The following DNTTIP2 variants were observed in gnomAD, a reference collection of about 807,000 sequenced individuals.
The protein encoded by DNTTIP2 is deoxynucleotidyltransferase terminal-interacting protein 2.
DNTTIP2 carries 47 observed loss-of-function variants against 62.4 expected under a neutral mutation model. The observed-to-expected ratio is 0.75, with a 90% CI of 0.60 to 0.96. The LOEUF (loss-of-function observed/expected upper bound fraction) is 0.96, where lower values mean the gene tolerates loss of function less well. Ranked by LOEUF, DNTTIP2 falls within the 40% of genes least tolerant of loss-of-function variation. The probability of loss-of-function intolerance (pLI) is 0.00; values close to 1 mark genes in which losing one functional copy is unlikely to be tolerated. For synonymous variants in DNTTIP2, 322 were observed against 300.9 expected (o/e 1.07, Z -0.73); for missense variants, 870 against 849.1 (o/e 1.02, Z -0.31).
rs974086510 is a variant in DNTTIP2, at chr1:93,875,922, G to A, written c.1668-139C>T. On this transcript the variant is annotated intron_variant, in intron 2 of 6. Coordinates refer to ENST00000436063, the MANE Select transcript of DNTTIP2 (RefSeq NM_014597.5). ...AGAAAAAAAAGCATCTTATTTTTATGAGGAATTCCTGAAAAAAAACTCTAA... is the reference window on the plus strand; with the variant it reads ...AGAAAAAAAAGCATCTTATTTTTATAAGGAATTCCTGAAAAAAAACTCTAA... 4.7e-6 allele frequency: 4 copies of A among 855,706 alleles called. No individual in the cohort carries two copies. In the African/African-American group the frequency reaches 5.3e-5, roughly 11 times the overall value. 53.0% of individuals were successfully genotyped at this position (855,706 alleles called of 1,614,324 possible).
Position 93,873,124 on chromosome 1 carries a change from G to GT in DNTTIP2, c.1896dup (p.Arg633ThrfsTer24). On this transcript the variant is annotated frameshift_variant, in exon 4 of 7. Coordinates refer to ENST00000436063, the MANE Select transcript of DNTTIP2 (RefSeq NM_014597.5). LOFTEE classifies it high-confidence loss of function. The stretch of plus-strand genomic sequence containing the variant: ...AATTAAGTCACTGTACTTACTCTGC[G>GT]TTTTTTCTGAAGTTGATACTTTGAT... 6.2e-7 allele frequency: 1 copy of GT among 1,605,402 alleles called. No individual in the cohort carries two copies. The highest frequency in any genetic ancestry group is 8.5e-7 in the Non-Finnish European group (1 of 1,174,350).
rs1034338076 is a variant in DNTTIP2 at position 93,868,311 on chromosome 1, C to T, written c.*1540G>A. On this transcript the variant is annotated 3_prime_UTR_variant, in exon 7 of 7. Transcript: ENST00000436063. ...CCACAATGAGATACCATCTCATTGC[C>T]AGTTAGAATGGCAATCATTAAAAAG... 3 of 152,074 alleles carry T rather than the reference C, an allele frequency of 2.0e-5. No individual in the cohort carries two copies. The highest frequency in any genetic ancestry group is 1.3e-4 in the Admixed American group (2 of 15,268). 9.4% of individuals were successfully genotyped at this position (152,074 alleles called of 1,614,324 possible). A position where few individuals can be genotyped will look rare whatever the true frequency, so the allele number is the denominator to read the frequency against.
At position 93,877,319 on chromosome 1, in the gene DNTTIP2, T is replaced by C; in HGVS notation, c.616A>G (p.Met206Val). 2 of 1,613,724 alleles carry C rather than the reference T, an allele frequency of 1.2e-6. No individual in the cohort carries two copies. Among genetic ancestry groups the C allele is most frequent in the Non-Finnish European group, 1.7e-6 (2 of 1,179,846 alleles). The change falls in exon 2 of 7, where the codon ATG becomes GTG. Residue 206 changes from methionine (M) to valine (V), a missense_variant. Physicochemically the swap from Met to Val is conservative, Grantham distance 21 (BLOSUM62 1). Coordinates refer to ENST00000436063, the MANE Select transcript of DNTTIP2 (RefSeq NM_014597.5). ...SGIATRRTRS[M>V]QRKLKAQTEK... Reference sequence around the variant, plus strand: ...GTTTGTGCCTTTAATTTCCTCTGCATACTCCTGGTTCTTCTAGTTGCAATT... The same window carrying C: ...GTTTGTGCCTTTAATTTCCTCTGCACACTCCTGGTTCTTCTAGTTGCAATT...
rs537892784 is a variant in DNTTIP2, at chr1:93,870,294, G to GAT, written c.2178-352_2178-351dup. Reference sequence around the variant, plus strand: ...CACTTATCCTGAAAATGCACAGTATGATATATATATTTCTTAGAAGCGACC... The same window carrying GAT: ...CACTTATCCTGAAAATGCACAGTATGATATATATATATTTCTTAGAAGCGACC... On this transcript the variant is annotated intron_variant, in intron 6 of 6. Coordinates refer to ENST00000436063, the MANE Select transcript of DNTTIP2 (RefSeq NM_014597.5). Among the ~76,000 whole-genome samples, 38 of 152,244 alleles carry GAT rather than the reference G, an allele frequency of 2.5e-4. No homozygotes were observed. In the East Asian group the frequency reaches 7.3e-3, roughly 29 times the overall value.
rs919653637 is a variant in DNTTIP2, at chr1:93,877,351, A to G, written c.584T>C (p.Phe195Ser). 8.1e-6 allele frequency: 13 copies of G among 1,613,726 alleles called. No individual in the cohort carries two copies. The highest frequency in any genetic ancestry group is 1.1e-5 in the Non-Finnish European group (13 of 1,179,858). ...DAETSSSDIS[F>S]SGIATRRTRS... ...GGTTCTTCTAGTTGCAATTCCAGAG[A>G]ATGAAATGTCTGAGCTTGATGTCTC... The change falls in exon 2 of 7, where the codon TTC becomes TCC. Residue 195 changes from phenylalanine (F) to serine (S), a missense_variant. Physicochemically the swap from Phe to Ser is radical, Grantham distance 155 (BLOSUM62 -2). Transcript: ENST00000436063.
intron 1 of DNTTIP2, 105 bp from the exon 2 acceptor site, chr1:93,877,967 T>C: frequency 7.0e-7 from 1 of 1,420,086 alleles, no homozygotes; most frequent in Non-Finnish European, 9.2e-7. Flanking sequence ...CAAGATTACC[T>C]TTAAAACAAA....
Position 93,877,549 on chromosome 1 carries a change from G to C in DNTTIP2, c.386C>G (p.Thr129Ser), listed in dbSNP as rs761194145. 1.5e-5 allele frequency: 24 copies of C among 1,613,888 alleles called. No homozygotes were observed. The highest frequency in any genetic ancestry group is 1.9e-5 in the Non-Finnish European group (23 of 1,179,904). Residue 129 changes from threonine (T) to serine (S), a missense_variant, in exon 2 of 7, where the codon ACT becomes AGT. Thr to Ser is a moderately conservative substitution (Grantham distance 58). Transcript: ENST00000436063. ...VSSVRKKPKV[T>S]PTKESYTEEI... The stretch of plus-strand genomic sequence containing the variant: ...TTCAGTGTAAGACTCCTTTGTTGGA[G>C]TTACTTTCGGCTTTTTCCTAACACT...
Position 93,876,384 on chromosome 1 carries a change from C to T in DNTTIP2, c.1551G>A (p.Glu517=). The T allele has an allele frequency of 4.4e-6, 7 of 1,590,770 alleles. No individual in the cohort carries two copies. The highest frequency in any genetic ancestry group is 6.0e-6 in the Non-Finnish European group (7 of 1,167,410). Residue 517 remains glutamate, a synonymous_variant, in exon 2 of 7, where the codon GAG becomes GAA. Transcript: ENST00000436063. ...EEDKASEVAI[E]EEKEEEEDEK... is the part of the protein sequence containing the mutation. ...CATCCTCTTCCTCTTCTTTTTCTTC[C>T]TCAATGGCAACCTCACTTGCCTTGT...
At position 93,877,667 on chromosome 1, in the gene DNTTIP2, C is replaced by G. The variant is rs1317458061; in HGVS notation, c.268G>C (p.Ala90Pro). 6.2e-7 allele frequency: 1 copy of G among 1,613,938 alleles called. No individual in the cohort carries two copies. The highest frequency in any genetic ancestry group is 1.7e-5 in the Admixed American group (1 of 60,010). The change falls in exon 2 of 7, where the codon GCA becomes CCA. Residue 90 changes from alanine to proline, a missense_variant. Coordinates refer to ENST00000436063, the MANE Select transcript of DNTTIP2 (RefSeq NM_014597.5). ...TCAGACACAGAATAATTTGACTCTG[C>G]CTCAGAGGTTTCTCCATCCGTAGAT... ...EPSTDGETSE[A>P]ESNYSVSEHH...
intron 1 of DNTTIP2, 42 bp from the exon 2 acceptor site, chr1:93,877,904 G>C: frequency 6.4e-7 from 1 of 1,563,998 alleles, no homozygotes; most frequent in South Asian, 1.2e-5. Context: ...GGTAGGGCTG[G>C]AACAAGGGCA....
chr1:93,871,409 T>A (rs896578456), intron 5 of DNTTIP2, among the ~76,000 whole-genome samples: 3 of 152,216 alleles, frequency 2.0e-5, no homozygotes, highest in African/African-American at 4.8e-5. Context: ...CAATTGTACC[T>A]AAGAGAGGTA....
In DNTTIP2 at chr1:93,879,177, C is replaced by T; in HGVS notation, c.-29G>A. ...TCCGGCTCCCTCGCGACCACCACGA[C>T]TTCCCTCTTCCCTGGCGCTCCGGAA... is the stretch of plus-strand genomic sequence containing the variant. On this transcript the variant is annotated 5_prime_UTR_variant, in exon 1 of 7. Transcript: ENST00000436063. 1.2e-6 allele frequency: 2 copies of T among 1,607,794 alleles called. No individual in the cohort carries two copies. Among genetic ancestry groups the T allele is most frequent in the Non-Finnish European group, 1.7e-6 (2 of 1,178,204 alleles).
intron 5 of DNTTIP2, among the ~76,000 whole-genome samples, chr1:93,871,214 C>G (rs1269459021): frequency 6.6e-6 from 1 of 152,184 alleles, no homozygotes. Context: ...ATACACTCAA[C>G]TGAATAAAAT....
chr1:93,866,849 T>G lies in DNTTIP2; in HGVS notation c.*3002A>C, dbSNP rs112378945. ...TAGTCTTACAGCATCTACTTTGTTTTAAGAACATTTTGGGCCAGACGTGGT... is the reference window on the plus strand; with the variant it reads ...TAGTCTTACAGCATCTACTTTGTTTGAAGAACATTTTGGGCCAGACGTGGT... On this transcript the variant is annotated 3_prime_UTR_variant, in exon 7 of 7. Coordinates refer to ENST00000436063, the MANE Select transcript of DNTTIP2 (RefSeq NM_014597.5). The G allele has an allele frequency of 5.7e-4, 87 of 152,278 alleles. 1 individual carries two copies. The highest frequency in any genetic ancestry group is 1.5e-3 in the African/African-American group (64 of 41,558). 9.4% of individuals were successfully genotyped at this position (152,278 alleles called of 1,614,324 possible). A position where few individuals can be genotyped will look rare whatever the true frequency, so the allele number is the denominator to read the frequency against.
At position 93,870,800 on chromosome 1, in the gene DNTTIP2, C is replaced by G; in HGVS notation, c.2068-8G>C. The G allele has an allele frequency of 4.0e-6, 6 of 1,484,382 alleles. No individual in the cohort carries two copies. The highest frequency in any genetic ancestry group is 5.5e-6 in the Non-Finnish European group (6 of 1,096,414). The allele number at this position is 1,484,382 out of a possible 1,614,324, so 92.0% of individuals were successfully genotyped here. A position where few individuals can be genotyped will look rare whatever the true frequency, so the allele number is the denominator to read the frequency against. ...GTCAACAATGGTTCCAATCTGTGAA[C>G]AATTGATTGAAATAAGTCATGCATT... On this transcript the variant is annotated splice_region_variant and splice_polypyrimidine_tract_variant and intron_variant, in intron 5 of 6. Transcript: ENST00000436063.
At chr1:93,871,633 A>G (rs1390300916) in intron 5 of DNTTIP2, among the ~76,000 whole-genome samples, 1 of 152,204 alleles carries the variant, frequency 6.6e-6, no homozygotes, top group African/African-American at 2.4e-5. Flanking sequence ...TAATGGCTAA[A>G]TGAAAGGATA....
chr1:93,878,395 G>A (rs1312431259), intron 1 of DNTTIP2, among the ~76,000 whole-genome samples: 1 of 152,142 alleles, frequency 6.6e-6, no homozygotes, highest in Non-Finnish European at 1.5e-5. Flanking sequence ...TGTAACTTCA[G>A]AAGCAGAACG....
chr1:93,874,305 CG>C (rs1655944432), intron 3 of DNTTIP2, among the ~76,000 whole-genome samples: 1 of 151,862 alleles, frequency 6.6e-6, no homozygotes, highest in African/African-American at 2.4e-5. Context: ...CTACTATGCA[CG>C]GAACATCTCA....
rs768190350 is a variant in DNTTIP2 at position 93,876,880 on chromosome 1, G to A, written c.1055C>T (p.Ser352Phe). 88 of 1,613,840 alleles carry A rather than the reference G, an allele frequency of 5.5e-5. No homozygotes were observed. Among genetic ancestry groups the A allele is most frequent in the Admixed American group, 1.0e-4 (6 of 60,006 alleles). ...PQNKNAVSVH[S>F]NLNSEAVMKS... ...CATTACAGCCTCAGAGTTCAGATTA[G>A]AGTGCACTGATACAGCATTTTTATT... Residue 352 changes from serine to phenylalanine, a missense_variant, in exon 2 of 7, where the codon TCT (serine) becomes TTT (phenylalanine). Ser to Phe is a radical substitution (Grantham distance 155, BLOSUM62 -2). Transcript: ENST00000436063.
Sources: gnomAD v4.1 joint callset for allele counts (sites outside exome capture counted in the v4.1 genomes callset) on GRCh38, gnomAD v4.1.1 for gene constraint, MANE v1.5 for transcripts, NCBI Gene and HGNC (gene_info 2026-07-23, HGNC 2026-07-21) for gene names.